SPATS1: variants seen among roughly 807,000 people sequenced by gnomAD.
SPATS1 encodes spermatogenesis associated serine rich 1, also known as spermatogenesis-associated serine-rich protein 1.
A neutral mutation model predicts 33.6 loss-of-function variants in SPATS1; 23 were observed. That is an observed-to-expected ratio of 0.68 (90% CI 0.49 to 0.97). The LOEUF is 0.97. SPATS1 is among the 50% of genes least tolerant of loss of function. The pLI is 0.00. For synonymous variants in SPATS1, 131 were observed against 125.6 expected, an observed-to-expected ratio of 1.04 and a Z score of -0.29; for missense variants, 327 against 361.0, an observed-to-expected ratio of 0.91 and a Z score of 0.76.
chr6:44,371,685 C>G lies in SPATS1; in HGVS notation c.758+1572C>G, dbSNP rs1392761865. Among the ~76,000 whole-genome samples the G allele has an allele frequency of 2.0e-5, 3 of 152,108 alleles. 1 individual carries two copies. ...TGTGGGCTGGGCGCGGTGGCTCATG[C>G]CTGTAATCCCAGCACTTTGGGAGGC... On this transcript the variant is annotated intron_variant, in intron 7 of 8. Transcript: ENST00000674044.
chr6:44,351,525 C>A (rs926715826), intron 2 of SPATS1, among the ~76,000 whole-genome samples: 1 of 152,160 alleles, frequency 6.6e-6, no homozygotes, highest in African/African-American at 2.4e-5. Flanking sequence ...GGTTACATTG[C>A]CATCTATTGA....
intron 8 of SPATS1, 76 bp from the exon 9 acceptor site, chr6:44,376,959 G>A (rs1790001851): frequency 6.4e-7 from 1 of 1,551,252 alleles, no homozygotes; most frequent in South Asian, 1.1e-5. Context: ...CCAAGCATTG[G>A]GGGTCGAGTG....
chr6:44,369,289 C>G (rs906697162), intron 6 of SPATS1, among the ~76,000 whole-genome samples: 1 of 149,872 alleles, frequency 6.7e-6, no homozygotes. Flanking sequence ...ACGCCTGTAA[C>G]CCCAGCCCTT....
chr6:44,355,719 C>T (rs73439546), intron 3 of SPATS1, among the ~76,000 whole-genome samples: 327 of 152,310 alleles, frequency 2.1e-3, no homozygotes, highest in African/African-American at 7.4e-3. Flanking sequence ...ACAAAATCTG[C>T]TCCAAGTGGA....
chr6:44,374,502 C>T (rs1437751371), intron 7 of SPATS1, among the ~76,000 whole-genome samples: 1 of 152,134 alleles, frequency 6.6e-6, no homozygotes, highest in Non-Finnish European at 1.5e-5. Context: ...TCTTTTTGCC[C>T]ATTCTTTTGC....
Position 44,377,165 on chromosome 6 carries a change from T to C in SPATS1, c.*102T>C. The C allele has an allele frequency of 7.0e-7, 1 of 1,421,864 alleles. No individual in the cohort carries two copies. The highest frequency in any genetic ancestry group is 9.9e-7 in the Non-Finnish European group (1 of 1,009,384). The allele number at this position is 1,421,864 out of a possible 1,614,324, so 88.1% of individuals were successfully genotyped here. A position where few individuals can be genotyped will look rare whatever the true frequency, so the allele number is the denominator to read the frequency against. On this transcript the variant is annotated 3_prime_UTR_variant, in exon 9 of 9. Coordinates refer to ENST00000674044, the MANE Select transcript of SPATS1 (RefSeq NM_001372081.1). ...CTGTTCTAAATCCAGTGTTTGACCC[T>C]TATGAGGAAGTGTTGTGCTTTGCTT...
In SPATS1 at chr6:44,360,521, C is replaced by A. The variant is rs1788850985; in HGVS notation, c.363C>A (p.Val121=). Residue 121 remains valine, a synonymous_variant, in exon 4 of 9, where the codon GTC becomes GTA. Coordinates refer to ENST00000674044, the MANE Select transcript of SPATS1 (RefSeq NM_001372081.1). ...CCTCTGAAATGTCGTTGCCTGAAGTCCAAAAGGATAAATATCCTGAGGAAT... is the reference window on the plus strand; with the variant it reads ...CCTCTGAAATGTCGTTGCCTGAAGTACAAAAGGATAAATATCCTGAGGAAT... The part of the protein sequence containing the change: ...DHSSEMSLPE[V]QKDKYPEEFS... 6.2e-7 allele frequency: 1 copy of A among 1,614,164 alleles called. No homozygotes were observed. Among genetic ancestry groups the A allele is most frequent in the Non-Finnish European group, 8.5e-7 (1 of 1,180,022 alleles).
intron 6 of SPATS1, among the ~76,000 whole-genome samples, chr6:44,368,898 A>ATTT (rs60261813): frequency 1.2e-3 from 167 of 134,586 alleles, no homozygotes; most frequent in Admixed American, 4.9e-3. Context: ...GGTGTATTAC[A>ATTT]TTTTTTTTTT....
chr6:44,365,141 C>G (rs142338405), intron 5 of SPATS1, among the ~76,000 whole-genome samples: 2 of 152,176 alleles, frequency 1.3e-5, no homozygotes, highest in African/African-American at 4.8e-5. Context: ...GGACTGCCAA[C>G]CAGCTGCCAT....
At chr6:44,353,874 A>G (rs1258281131) in intron 3 of SPATS1, among the ~76,000 whole-genome samples, 1 of 151,674 alleles carries the variant, frequency 6.6e-6, no homozygotes, top group Non-Finnish European at 1.5e-5. Context: ...CAACTCTACT[A>G]AAAATACAAA....
intron 5 of SPATS1, 152 bp downstream of exon 5, chr6:44,362,144 G>A (rs1432053451): frequency 1.5e-5 from 14 of 952,976 alleles, no homozygotes; most frequent in Admixed American, 2.4e-5. Flanking sequence ...GAAGGGGACA[G>A]TTTGCAGGCT....
chr6:44,345,592 T>TTA (rs1787827614), intron 2 of SPATS1, among the ~76,000 whole-genome samples: 1 of 152,134 alleles, frequency 6.6e-6, no homozygotes, highest in Non-Finnish European at 1.5e-5. Context: ...ACTAAAATGT[T>TTA]TACATGCTAT....
At chr6:44,357,946 A>T (rs1788689297) in intron 3 of SPATS1, among the ~76,000 whole-genome samples, 1 of 152,202 alleles carries the variant, frequency 6.6e-6, no homozygotes, top group African/African-American at 2.4e-5. Context: ...CTGGTCTGTC[A>T]GTGGCCTTTT....
At position 44,360,564 on chromosome 6, in the gene SPATS1, C is replaced by A. The variant is rs1788853011; in HGVS notation, c.406C>A (p.Gln136Lys). The change falls in exon 4 of 9, where the codon CAG becomes AAG. Residue 136 changes from glutamine to lysine, a missense_variant. Gln to Lys is a moderately conservative substitution (Grantham distance 53). Coordinates refer to ENST00000674044, the MANE Select transcript of SPATS1 (RefSeq NM_001372081.1). ...TGAGGAATTCAGCCTGCTTAAGTTG[C>A]AGACGAGTAAGTCACAGACCCTCCT... ...YPEEFSLLKL[Q>K]TKDGHRPEWT... 1.2e-6 allele frequency: 2 copies of A among 1,613,980 alleles called. No individual in the cohort carries two copies. The highest frequency in any genetic ancestry group is 1.7e-5 in the Admixed American group (1 of 59,996).
chr6:44,357,317 G>A (rs1411902), intron 3 of SPATS1, among the ~76,000 whole-genome samples: 5 of 152,074 alleles, frequency 3.3e-5, no homozygotes, highest in Admixed American at 2.6e-4. Flanking sequence ...CAGTGGCGTC[G>A]TCTATGCTAT....
At chr6:44,368,788 C>T (rs181882920) in intron 6 of SPATS1, among the ~76,000 whole-genome samples, 21 of 152,226 alleles carry the variant, frequency 1.4e-4, no homozygotes, top group African/African-American at 4.8e-4. Flanking sequence ...GATTGTTGGC[C>T]ATAGTGACTA....
intron 7 of SPATS1, among the ~76,000 whole-genome samples, chr6:44,372,251 T>A (rs1789670384): frequency 2.4e-5 from 3 of 123,546 alleles, no homozygotes; most frequent in Admixed American, 7.9e-5. Flanking sequence ...AGACTCCATC[T>A]CAAAAAAAAA....
intron 6 of SPATS1, among the ~76,000 whole-genome samples, chr6:44,368,896 A>AC (rs1280254859): frequency 9.3e-6 from 1 of 107,840 alleles, no homozygotes; most frequent in Non-Finnish European, 1.8e-5. Context: ...TTGGTGTATT[A>AC]CATTTTTTTT....
intron 4 of SPATS1, chr6:44,361,472 T>C: frequency 5.1e-6 from 5 of 985,476 alleles, no homozygotes; most frequent in Non-Finnish European, 6.0e-6. Context: ...GCATTCTATT[T>C]TTCCTACACC....
Sources: allele counts gnomAD v4.1 joint callset (sites outside exome capture counted in the v4.1 genomes callset), GRCh38; gene constraint gnomAD v4.1.1; transcripts MANE v1.5; gene names NCBI Gene and HGNC (gene_info 2026-07-23, HGNC 2026-07-21).